SLC35A3: variants seen among roughly 807,000 people sequenced by gnomAD.
SLC35A3 encodes solute carrier family 35 member A3.
SLC35A3 carries 26 observed loss-of-function variants against 39.0 expected under a neutral mutation model. The ratio of observed to expected loss-of-function variants is 0.67; its 90% CI spans 0.49 to 0.92. The LOEUF is 0.92. Among genes scored for constraint, SLC35A3 ranks in the 40% least tolerant of loss-of-function variants. The pLI is 0.00. For missense variants in SLC35A3, 299 were observed against 371.6 expected (o/e 0.80, Z 1.61); for synonymous variants, 135 against 133.1 (o/e 1.01, Z -0.10).
rs943162745 is a variant in SLC35A3, at chr1:100,023,983, G to A, written c.*1507G>A. On this transcript the variant is annotated 3_prime_UTR_variant, in exon 8 of 8. Transcript: ENST00000533028. ...GATCACGCCACTGCACTCCAACCTG[G>A]GCGACACAGTGAGAGTCTGTCTCAA... is the stretch of plus-strand genomic sequence containing the variant. 6.6e-6 allele frequency: 1 copy of A among 151,616 alleles called. No individual in the cohort carries two copies. The highest frequency in any genetic ancestry group is 1.5e-5 in the Non-Finnish European group (1 of 67,946). The allele number at this position is 151,616 out of a possible 1,614,324, so 9.4% of individuals were successfully genotyped here.
rs192820177 is a variant in SLC35A3 at position 100,032,288 on chromosome 1, T to C, written c.*9812T>C. ...CAATTGATGATTCTTGACTGAATCA[T>C]TTATTACACTGGGGTGCAAAATGGT... On this transcript the variant is annotated 3_prime_UTR_variant, in exon 8 of 8. Transcript: ENST00000533028. 6.6e-6 allele frequency: 1 copy of C among 152,346 alleles called. No individual in the cohort carries two copies. Among genetic ancestry groups the C allele is most frequent in the East Asian group, 1.9e-4 (1 of 5,194 alleles). 9.4% of individuals were successfully genotyped at this position (152,346 alleles called of 1,614,324 possible).
At chr1:100,022,262 G>T in intron 7 of SLC35A3, 124 bp from the exon 8 acceptor site, 2 of 564,588 alleles carry the variant, frequency 3.5e-6, no homozygotes, top group East Asian at 3.0e-5. Flanking sequence ...CTCAAGATTT[G>T]TTAGCCGTGT....
rs551564277 is a variant in SLC35A3, at chr1:100,030,246, A to C, written c.*7770A>C. On this transcript the variant is annotated 3_prime_UTR_variant, in exon 8 of 8. Transcript: ENST00000533028. ...CAAATAACATGGTGTTCTTTTGGAA[A>C]TATACAGTTTATCTTAGATATACAC... 4 of 152,356 alleles carry C rather than the reference A, an allele frequency of 2.6e-5. 1 individual carries two copies. Among genetic ancestry groups the C allele is most frequent in the East Asian group, 1.9e-4 (1 of 5,192 alleles). The allele number at this position is 152,356 out of a possible 1,614,324, so 9.4% of individuals were successfully genotyped here.
chr1:100,013,680 G>A (rs1331014448), intron 5 of SLC35A3, among the ~76,000 whole-genome samples: 2 of 151,254 alleles, frequency 1.3e-5, no homozygotes, highest in African/African-American at 4.9e-5. Flanking sequence ...TTATATATGT[G>A]TGTATATATA....
chr1:100,006,169 G>C lies in SLC35A3; in HGVS notation c.343-865G>C, dbSNP rs549781755. ...GCTTCGACTGAAGTTGTTAGTGGAG[G>C]CTGTGGCAAGGCTTTGCTGGGGATG... On this transcript the variant is annotated intron_variant, in intron 3 of 7. Transcript: ENST00000533028. Among the ~76,000 whole-genome samples the C allele has an allele frequency of 6.8e-4, 103 of 152,260 alleles. 2 individuals are homozygous for C. Among genetic ancestry groups the C allele is most frequent in the Admixed American group, 2.0e-3 (31 of 15,284 alleles).
intron 1 of SLC35A3, chr1:99,970,464 C>T: frequency 9.4e-7 from 1 of 1,066,516 alleles, no homozygotes; most frequent in Non-Finnish European, 1.4e-6. Flanking sequence ...GTGTGTGCCT[C>T]AGCGCCTGGT....
intron 1 of SLC35A3, among the ~76,000 whole-genome samples, chr1:99,983,266 C>G (rs1305757539): frequency 6.6e-6 from 1 of 151,828 alleles, no homozygotes; most frequent in Non-Finnish European, 1.5e-5. Flanking sequence ...GGGGGCCAGG[C>G]GCGGTGGCTC....
In SLC35A3 at chr1:100,026,683, G is replaced by A. The variant is rs1029958277; in HGVS notation, c.*4207G>A. The A allele has an allele frequency of 6.6e-6, 1 of 152,112 alleles. No individual in the cohort carries two copies. The highest frequency in any genetic ancestry group is 1.5e-5 in the Non-Finnish European group (1 of 68,014). The allele number at this position is 152,112 out of a possible 1,614,324, so 9.4% of individuals were successfully genotyped here. A position where few individuals can be genotyped will look rare whatever the true frequency, so the allele number is the denominator to read the frequency against. On this transcript the variant is annotated 3_prime_UTR_variant, in exon 8 of 8. Transcript: ENST00000533028. ...GAAACTTTAACAATTGTATAAAACT[G>A]TCAGTTTGTTGTTTCATTTGTAATT...
chr1:99,993,055 T>C (rs1658181418), intron 1 of SLC35A3: 1 of 153,192 alleles, frequency 6.5e-6, no homozygotes, highest in African/African-American at 2.4e-5. Flanking sequence ...GAAAAGATTT[T>C]ATTCTGAAAG....
At chr1:100,009,777 A>G (rs958713417) in intron 4 of SLC35A3, among the ~76,000 whole-genome samples, 3 of 152,212 alleles carry the variant, frequency 2.0e-5, no homozygotes, top group African/African-American at 7.2e-5. Flanking sequence ...AAGAAACTTA[A>G]GTTTGAATGG....
At chr1:99,987,942 G>T (rs1004496854) in intron 1 of SLC35A3, among the ~76,000 whole-genome samples, 4 of 152,114 alleles carry the variant, frequency 2.6e-5, no homozygotes, top group Admixed American at 1.3e-4. Flanking sequence ...GCCTGGTTAG[G>T]AATGCTATTA....
chr1:100,007,612 CT>C (rs1409406104), intron 4 of SLC35A3: 1 of 151,518 alleles, frequency 6.6e-6, no homozygotes, highest in Non-Finnish European at 1.5e-5. Context: ...TTTGTTATTT[CT>C]TCTAAGTTAC....
chr1:100,013,445 CAAA>C (rs59892113), intron 5 of SLC35A3, among the ~76,000 whole-genome samples: 4 of 59,546 alleles, frequency 6.7e-5, no homozygotes, highest in African/African-American at 1.0e-4. Flanking sequence ...AAACTCTGTA[CAAA>C]AAAAAAAAAA....
chr1:100,028,980 G>A lies in SLC35A3; in HGVS notation c.*6504G>A, dbSNP rs979478232. 6.6e-6 allele frequency: 1 copy of A among 152,246 alleles called. No individual in the cohort carries two copies. The highest frequency in any genetic ancestry group is 6.5e-5 in the Admixed American group (1 of 15,286). The allele number at this position is 152,246 out of a possible 1,614,324, so 9.4% of individuals were successfully genotyped here. On this transcript the variant is annotated 3_prime_UTR_variant, in exon 8 of 8. Transcript: ENST00000533028. ...GCTTTCGGTGTCCTTTTCTTGTAGC[G>A]TCATGGAAGGTGTTATCTACTCCTG...
In SLC35A3 at chr1:100,024,031, A is replaced by G. The variant is rs1051067819; in HGVS notation, c.*1555A>G. ...CAAAAAAAAGAAAAAAAAAAAAGCTACTGAGAAGGAGCCACCATTTTGCTT... is the reference window on the plus strand; with the variant it reads ...CAAAAAAAAGAAAAAAAAAAAAGCTGCTGAGAAGGAGCCACCATTTTGCTT... On this transcript the variant is annotated 3_prime_UTR_variant, in exon 8 of 8. Transcript: ENST00000533028. 5 of 151,696 alleles carry G rather than the reference A, an allele frequency of 3.3e-5. No individual in the cohort carries two copies. Among genetic ancestry groups the G allele is most frequent in the African/African-American group, 1.2e-4 (5 of 41,324 alleles). The allele number at this position is 151,696 out of a possible 1,614,324, so 9.4% of individuals were successfully genotyped here.
At chr1:99,976,574 G>C (rs919504531) in intron 1 of SLC35A3, among the ~76,000 whole-genome samples, 1 of 152,178 alleles carries the variant, frequency 6.6e-6, no homozygotes, top group Admixed American at 6.6e-5. Context: ...ATGCCCATCA[G>C]TGGTGAACTG....
At chr1:99,982,309 AT>A (rs1240462692) in intron 1 of SLC35A3, among the ~76,000 whole-genome samples, 1 of 152,096 alleles carries the variant, frequency 6.6e-6, no homozygotes, top group Non-Finnish European at 1.5e-5. Context: ...CCTGTATTCT[AT>A]TTTTGAAAAG....
Position 99,995,104 on chromosome 1 carries a change from TTTTCTTTCTTTCTTTCTTTC to T in SLC35A3, c.187+1403_187+1422del, listed in dbSNP as rs58899984. Among the ~76,000 whole-genome samples, 675 of 113,462 alleles carry T rather than the reference TTTTCTTTCTTTCTTTCTTTC, an allele frequency of 5.9e-3. 9 individuals are homozygous for T. Among genetic ancestry groups the T allele is most frequent in the South Asian group, 0.023 (76 of 3,360 alleles). 74.4% of individuals were successfully genotyped at this position (113,462 alleles called of 152,430 possible). A position where few individuals can be genotyped will look rare whatever the true frequency, so the allele number is the denominator to read the frequency against. Reference sequence around the variant, plus strand: ...GGGTTTTTTTTTGGCTTTTTGTGTATTTTCTTTCTTTCTTTCTTTCTTTCTTTCTTTCTTTCTTTCTTTCT... The same window carrying T: ...GGGTTTTTTTTTGGCTTTTTGTGTATTTTCTTTCTTTCTTTCTTTCTTTCT... On this transcript the variant is annotated intron_variant, in intron 2 of 7. Transcript: ENST00000533028.
rs1661364616 is a variant in SLC35A3 at position 100,033,585 on chromosome 1, A to C, written c.*11109A>C. 1 of 152,136 alleles carries C rather than the reference A, an allele frequency of 6.6e-6. No individual in the cohort carries two copies. The highest frequency in any genetic ancestry group is 6.5e-5 in the Admixed American group (1 of 15,278). 9.4% of individuals were successfully genotyped at this position (152,136 alleles called of 1,614,324 possible). ...TGTTTAGAAAGGTTTGTATGCTCTA[A>C]TTTATACTGATAACATTTTATATAA... is the stretch of plus-strand genomic sequence containing the variant. On this transcript the variant is annotated 3_prime_UTR_variant, in exon 8 of 8. Coordinates refer to ENST00000533028, the MANE Select transcript of SLC35A3 (RefSeq NM_012243.3).
Sources: allele counts gnomAD v4.1 joint callset (sites outside exome capture counted in the v4.1 genomes callset), GRCh38; gene constraint gnomAD v4.1.1; transcripts MANE v1.5; gene names NCBI Gene and HGNC (gene_info 2026-07-23, HGNC 2026-07-21).